ANKRD31: variants seen among roughly 807,000 people sequenced by gnomAD.
ANKRD31 encodes the protein ankyrin repeat domain-containing protein 31.
ANKRD31 carries 147 observed loss-of-function variants against 186.0 expected under a neutral mutation model. The observed-to-expected ratio is 0.79, with a 90% CI of 0.69 to 0.91. ANKRD31 has a LOEUF of 0.91. Ranked by LOEUF, ANKRD31 falls within the 40% of genes least tolerant of loss-of-function variation. The pLI is 0.00. For missense variants in ANKRD31, 1,986 were observed against 2,148.8 expected (o/e 0.92, Z 1.50); for synonymous variants, 673 against 736.4 (o/e 0.91, Z 1.39).
At chr5:75,200,929 G>C (rs977270802) in intron 5 of ANKRD31, among the ~76,000 whole-genome samples, 1 of 150,174 alleles carries the variant, frequency 6.7e-6, no homozygotes, top group Non-Finnish European at 1.5e-5. Context: ...AAAAAGAAAA[G>C]AAAAAAAGAC....
rs1758296731 is a variant in ANKRD31, at chr5:75,236,699, T to G, written c.-13A>C. The G allele has an allele frequency of 6.5e-7, 1 of 1,534,470 alleles. No homozygotes were observed. The highest frequency in any genetic ancestry group is 8.7e-7 in the Non-Finnish European group (1 of 1,145,202). On this transcript the variant is annotated 5_prime_UTR_variant, in exon 1 of 26. The change abolishes an upstream ATG in the 5' untranslated region. Coordinates refer to ENST00000506364, the MANE Select transcript of ANKRD31 (RefSeq NM_001372053.1). ...CGCCTTCCTCCATCTTTGCCTCACA[T>G]TCAAAGTCTTTTTTACCCTCCTCTA...
intron 11 of ANKRD31, among the ~76,000 whole-genome samples, chr5:75,162,138 G>A (rs1207175853): frequency 6.6e-6 from 1 of 152,192 alleles, no homozygotes; most frequent in Non-Finnish European, 1.5e-5. Context: ...TTTGCACCAT[G>A]TGCCTAGAAA....
At chr5:75,080,801 T>G (rs1745022548) in intron 24 of ANKRD31, among the ~76,000 whole-genome samples, 162 bp from the exon 25 acceptor site, 1 of 152,188 alleles carries the variant, frequency 6.6e-6, no homozygotes, top group Non-Finnish European at 1.5e-5. Flanking sequence ...TAAAAATGGC[T>G]CTTCCTACTT....
At chr5:75,124,499 C>T (rs929149316) in intron 17 of ANKRD31, among the ~76,000 whole-genome samples, 6 of 152,180 alleles carry the variant, frequency 3.9e-5, no homozygotes, top group African/African-American at 1.4e-4. Flanking sequence ...CACTGTAACA[C>T]TATTCACAAT....
intron 2 of ANKRD31, among the ~76,000 whole-genome samples, chr5:75,224,621 C>A (rs1409049890): frequency 6.6e-6 from 1 of 151,980 alleles, no homozygotes; most frequent in Non-Finnish European, 1.5e-5. Context: ...AGTTTGAGCC[C>A]TACCTTTCCC....
rs78373781 is a variant in ANKRD31, at chr5:75,138,321, G to A, written c.3734-323C>T. ...ATATTAAAACGTCTGACTTTCCTAT[G>A]TGTATCTTTGCATTGCCACATTTCT... On this transcript the variant is annotated intron_variant, in intron 16 of 25. Transcript: ENST00000506364. Among the ~76,000 whole-genome samples, 9 of 152,264 alleles carry A rather than the reference G, an allele frequency of 5.9e-5. No homozygotes were observed. In the East Asian group the frequency reaches 1.4e-3, roughly 23 times the overall value.
Position 75,158,214 on chromosome 5 carries a change from C to G in ANKRD31, c.1708-3869G>C, listed in dbSNP as rs541684604. 4.6e-5 allele frequency among the ~76,000 whole-genome samples: 7 copies of G among 152,286 alleles called. No individual in the cohort carries two copies. In the South Asian group the frequency reaches 1.5e-3, roughly 32 times the overall value. ...AGTCTATAAGCCACACCAGATCCAACAGTAAAATGTAAAAATCTTTCTGAT... is the reference window on the plus strand; with the variant it reads ...AGTCTATAAGCCACACCAGATCCAAGAGTAAAATGTAAAAATCTTTCTGAT... On this transcript the variant is annotated intron_variant, in intron 11 of 25. Transcript: ENST00000506364.
intron 17 of ANKRD31, among the ~76,000 whole-genome samples, chr5:75,120,413 T>C (rs894342531): frequency 2.6e-5 from 4 of 152,094 alleles, no homozygotes; most frequent in Non-Finnish European, 5.9e-5. Flanking sequence ...TGAAAAACAA[T>C]GATCCCACTT....
intron 22 of ANKRD31, among the ~76,000 whole-genome samples, chr5:75,100,793 C>A (rs1746789389): frequency 6.6e-6 from 1 of 151,870 alleles, no homozygotes; most frequent in African/African-American, 2.4e-5. Flanking sequence ...TTCCTCCATC[C>A]CTTTATTTTG....
intron 11 of ANKRD31, among the ~76,000 whole-genome samples, chr5:75,162,100 G>C (rs1012762826): frequency 5.3e-5 from 8 of 152,156 alleles, no homozygotes; most frequent in Admixed American, 1.3e-4. Flanking sequence ...CTGTCCTCCA[G>C]ACCCCAGAAT....
At chr5:75,150,359 A>T (rs1751759547) in intron 12 of ANKRD31, among the ~76,000 whole-genome samples, 1 of 152,080 alleles carries the variant, frequency 6.6e-6, no homozygotes, top group East Asian at 1.9e-4. Flanking sequence ...AAAGTTCTTC[A>T]TCTGGAACTT....
At chr5:75,224,165 A>ATG (rs1757496253) in intron 2 of ANKRD31, among the ~76,000 whole-genome samples, 1 of 120,396 alleles carries the variant, frequency 8.3e-6, no homozygotes, top group African/African-American at 3.7e-5. Flanking sequence ...ATATATGTAT[A>ATG]TATATATATA....
Position 75,147,080 on chromosome 5 carries a change from T to C in ANKRD31, c.2331A>G (p.Pro777=). Residue 777 remains proline (P), a synonymous_variant, in exon 14 of 26, where the codon CCA becomes CCG. Transcript: ENST00000506364. ...AGCTGGAAGGTTCACACAATTCTTC[T>C]GGAAGGTCATTATGAGTTTCTGGAA... The part of the protein sequence containing the change: ...QHIPETHNDL[P]EELCEPSSLT... 3.3e-6 allele frequency: 5 copies of C among 1,536,436 alleles called. No homozygotes were observed. Among genetic ancestry groups the C allele is most frequent in the Non-Finnish European group, 4.4e-6 (5 of 1,146,376 alleles).
chr5:75,220,258 G>A (rs150761101), intron 3 of ANKRD31, among the ~76,000 whole-genome samples: 3 of 152,226 alleles, frequency 2.0e-5, no homozygotes, highest in East Asian at 3.9e-4. Context: ...GGGAGAAAAC[G>A]TTTGCAAATT....
intron 10 of ANKRD31, among the ~76,000 whole-genome samples, chr5:75,177,191 T>G (rs1001756999): frequency 6.6e-6 from 1 of 151,878 alleles, no homozygotes; most frequent in African/African-American, 2.4e-5. Context: ...GAAAAAAGAA[T>G]AAAAAGAAAT....
At chr5:75,225,987 C>T (rs1013354546) in intron 2 of ANKRD31, among the ~76,000 whole-genome samples, 5 of 152,154 alleles carry the variant, frequency 3.3e-5, no homozygotes, top group Non-Finnish European at 5.9e-5. Context: ...CTGAAGAGCC[C>T]TAGGGCATTA....
At chr5:75,075,251 C>T (rs1181944812) in intron 25 of ANKRD31, among the ~76,000 whole-genome samples, 1 of 152,164 alleles carries the variant, frequency 6.6e-6, no homozygotes, top group African/African-American at 2.4e-5. Flanking sequence ...TTTAGGGTTT[C>T]ACTTTTGTAC....
intron 17 of ANKRD31, among the ~76,000 whole-genome samples, chr5:75,132,486 G>T (rs536593356): frequency 1.6e-4 from 25 of 152,202 alleles, no homozygotes; most frequent in African/African-American, 5.8e-4. Context: ...AAAAAGAAAT[G>T]AACAAAGCCC....
intron 19 of ANKRD31, among the ~76,000 whole-genome samples, chr5:75,115,982 C>G (rs1342421637): frequency 6.6e-6 from 1 of 151,846 alleles, no homozygotes; most frequent in Non-Finnish European, 1.5e-5. Flanking sequence ...CGGCATTATT[C>G]ACAATAGCAA....
Sources: gnomAD v4.1 joint callset for allele counts (sites outside exome capture counted in the v4.1 genomes callset) on GRCh38, gnomAD v4.1.1 for gene constraint, MANE v1.5 for transcripts, NCBI Gene and HGNC (gene_info 2026-07-23, HGNC 2026-07-21) for gene names.